KIRREL3: variants seen among roughly 807,000 people sequenced by gnomAD.
KIRREL3 encodes the protein kirre like nephrin family adhesion molecule 3.
KIRREL3 carries 36 observed loss-of-function variants against 89.7 expected under a neutral mutation model. That is an observed-to-expected ratio of 0.40 (90% CI 0.31 to 0.53). The LOEUF (loss-of-function observed/expected upper bound fraction) is 0.53, where lower values mean the gene tolerates loss of function less well. Among genes scored for constraint, KIRREL3 ranks in the 20% least tolerant of loss-of-function variants. The pLI is 0.49. For missense variants in KIRREL3, 864 were observed against 1,056.6 expected, an observed-to-expected ratio of 0.82 and a Z score of 2.53; for synonymous variants, 445 against 441.4, an observed-to-expected ratio of 1.01 and a Z score of -0.10.
In KIRREL3 at chr11:126,496,044, C is replaced by T. The variant is rs1957647289; in HGVS notation, c.434-22578G>A. 6.6e-6 allele frequency among the ~76,000 whole-genome samples: 1 copy of T among 152,166 alleles called. No individual in the cohort carries two copies. Among genetic ancestry groups the T allele is most frequent in the Admixed American group, 6.5e-5 (1 of 15,282 alleles). ...CAGGCAACAGACATGTGACCCCAGC[C>T]CCTCCTATGTCTGATTGCAGAGATC... On this transcript the variant is annotated intron_variant, in intron 4 of 16. Transcript: ENST00000525144. This position sits in a 1 kb window ranked among gnomAD's most constrained non-coding sequence, Gnocchi z 4.9.
intron 1 of KIRREL3, among the ~76,000 whole-genome samples, chr11:126,711,788 C>A (rs889438147): frequency 6.6e-6 from 1 of 152,198 alleles, no homozygotes; most frequent in Non-Finnish European, 1.5e-5. Context: ...TGCGAGGATG[C>A]TGTGCCAGCA....
intron 12 of KIRREL3, 61 bp from the exon 13 acceptor site, chr11:126,435,364 C>G: frequency 1.9e-6 from 3 of 1,562,906 alleles, no homozygotes; most frequent in Non-Finnish European, 2.6e-6. Flanking sequence ...TGGGGTGGGA[C>G]TGGGAATTAG....
rs1446508545 is a variant in KIRREL3 at position 126,570,855 on chromosome 11, C to T, written c.56-7943G>A. ...TTCGGCTTCTCCAAATCTCTGCTCA[C>T]TGGCTTAAGTCTGTACATCTCAGGT... On this transcript the variant is annotated intron_variant, in intron 1 of 16. Coordinates refer to ENST00000525144, the MANE Select transcript of KIRREL3 (RefSeq NM_032531.4). The surrounding 1 kb of genome is among the most constrained non-coding windows in gnomAD (Gnocchi z 6.1). 1.3e-5 allele frequency among the ~76,000 whole-genome samples: 2 copies of T among 152,234 alleles called. No individual in the cohort carries two copies. The highest frequency in any genetic ancestry group is 2.1e-4 in the South Asian group (1 of 4,832).
chr11:126,645,486 A>C lies in KIRREL3; in HGVS notation c.56-82574T>G, dbSNP rs1944631621. 6.6e-6 allele frequency among the ~76,000 whole-genome samples: 1 copy of C among 152,176 alleles called. No individual in the cohort carries two copies. Among genetic ancestry groups the C allele is most frequent in the Non-Finnish European group, 1.5e-5 (1 of 68,040 alleles). ...CATTATGCAGACTGAGAGCTCTAGA[A>C]ATATTTGTGGCATGAATGAAAGAAT... On this transcript the variant is annotated intron_variant, in intron 1 of 16. Transcript: ENST00000525144. This position sits in a 1 kb window ranked among gnomAD's most constrained non-coding sequence, Gnocchi z 4.9.
rs4997110 is a variant in KIRREL3, at chr11:126,640,362, G to A, written c.56-77450C>T. 0.47 allele frequency among the ~76,000 whole-genome samples: 71,297 copies of A among 151,740 alleles called. 17,776 individuals are homozygous for A. Among genetic ancestry groups the A allele is most frequent in the East Asian group, 0.73 (3,710 of 5,114 alleles). On this transcript the variant is annotated intron_variant, in intron 1 of 16. Coordinates refer to ENST00000525144, the MANE Select transcript of KIRREL3 (RefSeq NM_032531.4). This position sits in a 1 kb window ranked among gnomAD's most constrained non-coding sequence, Gnocchi z 4.9. ...CACACACAGACGCGCGTGTGCGCGC[G>A]CACACACACGCACACGCGCACACAC...
chr11:126,680,415 T>TATATATAC (rs551073557), intron 1 of KIRREL3, among the ~76,000 whole-genome samples: 2,054 of 151,572 alleles, frequency 0.014, 25 homozygotes, highest in South Asian at 0.019. Flanking sequence ...TATATATATA[T>TATATATAC]ACACATAGCC....
intron 1 of KIRREL3, among the ~76,000 whole-genome samples, chr11:126,585,028 C>T (rs962777116): frequency 6.6e-6 from 1 of 151,550 alleles, no homozygotes; most frequent in African/African-American, 2.4e-5. Flanking sequence ...ACGCCATTCT[C>T]CTGCCTCAGC....
chr11:126,503,288 G>C (rs80254820), intron 4 of KIRREL3, among the ~76,000 whole-genome samples: 4,640 of 152,204 alleles, frequency 0.03, 267 homozygotes, highest in African/African-American at 0.1. Context: ...AATGGAGTAG[G>C]GGGCAGGTGG....
intron 1 of KIRREL3, among the ~76,000 whole-genome samples, chr11:126,925,267 A>G (rs568710368): frequency 2.0e-5 from 3 of 152,152 alleles, no homozygotes; most frequent in Non-Finnish European, 4.4e-5. Flanking sequence ...TCTAACATGC[A>G]TGTGTCCTGA....
In KIRREL3 at chr11:126,668,850, G is replaced by C. The variant is rs1200050295; in HGVS notation, c.56-105938C>G. Among the ~76,000 whole-genome samples, 4 of 151,884 alleles carry C rather than the reference G, an allele frequency of 2.6e-5. No homozygotes were observed. Among genetic ancestry groups the C allele is most frequent in the African/African-American group, 9.7e-5 (4 of 41,316 alleles). On this transcript the variant is annotated intron_variant, in intron 1 of 16. Transcript: ENST00000525144. This position sits in a 1 kb window ranked among gnomAD's most constrained non-coding sequence, Gnocchi z 4.4. Reference sequence around the variant, plus strand: ...GGCTCCATTTTAAACCCCTGGCTCTGAGTGTGCTGCTAAGAATCTATTCCT... The same window carrying C: ...GGCTCCATTTTAAACCCCTGGCTCTCAGTGTGCTGCTAAGAATCTATTCCT...
At chr11:126,737,036 C>G (rs529327934) in intron 1 of KIRREL3, among the ~76,000 whole-genome samples, 13 of 152,336 alleles carry the variant, frequency 8.5e-5, no homozygotes, top group African/African-American at 3.1e-4. Flanking sequence ...AAAGTTTTCT[C>G]AAATAGTAAG....
intron 1 of KIRREL3, among the ~76,000 whole-genome samples, chr11:126,846,123 T>C (rs1944133542): frequency 6.6e-6 from 1 of 152,236 alleles, no homozygotes; most frequent in Non-Finnish European, 1.5e-5. Context: ...CTTTGGTGTG[T>C]AGTAACTAGG....
intron 1 of KIRREL3, among the ~76,000 whole-genome samples, chr11:126,923,960 T>C (rs1254732597): frequency 6.6e-6 from 1 of 152,218 alleles, no homozygotes; most frequent in African/African-American, 2.4e-5. Context: ...ATGATCCTGA[T>C]GTGGCTCACC....
rs940678529 is a variant in KIRREL3 at position 126,489,281 on chromosome 11, C to T, written c.434-15815G>A. On this transcript the variant is annotated intron_variant, in intron 4 of 16. Transcript: ENST00000525144. The surrounding 1 kb of genome is among the most constrained non-coding windows in gnomAD (Gnocchi z 5.5). ...CTAAGGGAAGCAGCCCTGTCATGTT[C>T]CTCTTTGTCTCTCTCTCCTGCCCCA... 2.6e-5 allele frequency among the ~76,000 whole-genome samples: 4 copies of T among 152,126 alleles called. No homozygotes were observed. Among genetic ancestry groups the T allele is most frequent in the Non-Finnish European group, 5.9e-5 (4 of 68,022 alleles).
intron 1 of KIRREL3, among the ~76,000 whole-genome samples, chr11:126,728,151 G>A (rs1021118648): frequency 1.3e-5 from 2 of 152,162 alleles, no homozygotes; most frequent in African/African-American, 4.8e-5. Flanking sequence ...GACAAGGTGT[G>A]GCTGTCACAG....
chr11:126,482,753 C>T (rs576945467), intron 4 of KIRREL3, among the ~76,000 whole-genome samples: 6 of 152,194 alleles, frequency 3.9e-5, no homozygotes, highest in African/African-American at 1.4e-4. Context: ...ATGGGTGATT[C>T]CACGCTGCCC....
Position 126,536,466 on chromosome 11 carries a change from T to C in KIRREL3, c.134-9779A>G, listed in dbSNP as rs372185309. Among the ~76,000 whole-genome samples the C allele has an allele frequency of 7.1e-4, 108 of 152,130 alleles. 1 individual carries two copies. Among genetic ancestry groups the C allele is most frequent in the African/African-American group, 2.6e-3 (107 of 41,480 alleles). On this transcript the variant is annotated intron_variant, in intron 2 of 16. Coordinates refer to ENST00000525144, the MANE Select transcript of KIRREL3 (RefSeq NM_032531.4). ...CCCATAGGCACATGTCTCTGCACTGTGGTTCCACAGTGGTGGTGAGAGGCA... is the reference window on the plus strand; with the variant it reads ...CCCATAGGCACATGTCTCTGCACTGCGGTTCCACAGTGGTGGTGAGAGGCA...
chr11:126,565,695 T>C lies in KIRREL3; in HGVS notation c.56-2783A>G, dbSNP rs2134600436. On this transcript the variant is annotated intron_variant, in intron 1 of 16. Coordinates refer to ENST00000525144, the MANE Select transcript of KIRREL3 (RefSeq NM_032531.4). The surrounding 1 kb of genome is among the most constrained non-coding windows in gnomAD (Gnocchi z 5.4). ...AAATTTGGGATGTCCTTTGGAGAGA[T>C]TTGCAAAGCTAAATTAAAGGTCATT... Among the ~76,000 whole-genome samples the C allele has an allele frequency of 6.6e-6, 1 of 152,112 alleles. No individual in the cohort carries two copies. The highest frequency in any genetic ancestry group is 1.9e-4 in the East Asian group (1 of 5,166).
At chr11:126,691,711 G>A (rs752507751) in intron 1 of KIRREL3, among the ~76,000 whole-genome samples, 3 of 152,228 alleles carry the variant, frequency 2.0e-5, no homozygotes, top group Non-Finnish European at 4.4e-5. Context: ...TAGAGGAAGA[G>A]AAAGGATGCA....
Sources: gnomAD v4.1 joint callset for allele counts (sites outside exome capture counted in the v4.1 genomes callset) on GRCh38, gnomAD v4.1.1 for gene constraint, Gnocchi (gnomAD v3.1) non-coding constraint, MANE v1.5 for transcripts, NCBI Gene and HGNC (gene_info 2026-07-23, HGNC 2026-07-21) for gene names.